The following MICU3 variants were observed in gnomAD, a reference collection of about 807,000 sequenced individuals.
MICU3 encodes calcium uptake protein 3, mitochondrial.
Under a neutral mutation model 66.5 loss-of-function variants are expected in MICU3, and 62 were observed. That is an observed-to-expected ratio of 0.93 (90% CI 0.76 to 1.15). The LOEUF (loss-of-function observed/expected upper bound fraction) is 1.15, where lower values mean the gene tolerates loss of function less well. Among genes scored for constraint, MICU3 ranks in the 50% most tolerant of loss-of-function variants. MICU3 has a pLI of 0.00. For missense variants in MICU3, 779 were observed against 664.4 expected (o/e 1.17, Z -1.90); for synonymous variants, 308 against 240.7 (o/e 1.28, Z -2.59).
the MICU3 span, among the ~76,000 whole-genome samples, chr8:17,137,705 C>CTT: frequency 3.1e-4 from 32 of 102,924 alleles, 1 homozygote; most frequent in African/African-American, 6.2e-4. Context: ...TTTTCTTTTC[C>CTT]TTTTTTTTTT....
intron 4 of MICU3, among the ~76,000 whole-genome samples, chr8:17,080,056 A>C (rs936491670): frequency 6.6e-6 from 1 of 151,788 alleles, no homozygotes; most frequent in Non-Finnish European, 1.5e-5. Flanking sequence ...GTTTCTAAAG[A>C]TCACACCATT....
intron 11 of MICU3, among the ~76,000 whole-genome samples, chr8:17,109,227 A>C (rs1379288983): frequency 2.6e-5 from 4 of 152,102 alleles, no homozygotes; most frequent in African/African-American, 9.7e-5. Flanking sequence ...AATATGTTTT[A>C]TGTATATGTA....
chr8:17,073,673 G>T (rs1398634038), intron 3 of MICU3, among the ~76,000 whole-genome samples: 2 of 152,130 alleles, frequency 1.3e-5, no homozygotes, highest in Admixed American at 6.5e-5. Flanking sequence ...AGTCCCTGGT[G>T]CCAAAAAGGT....
Position 17,104,483 on chromosome 8 carries a change from T to C in MICU3, c.1077T>C (p.Asp359=), listed in dbSNP as rs1275063759. The C allele has an allele frequency of 7.0e-7, 1 of 1,421,638 alleles. No individual in the cohort carries two copies. Among genetic ancestry groups the C allele is most frequent in the Middle Eastern group, 2.1e-4 (1 of 4,768 alleles). 88.1% of individuals were successfully genotyped at this position (1,421,638 alleles called of 1,614,324 possible). A position where few individuals can be genotyped will look rare whatever the true frequency, so the allele number is the denominator to read the frequency against. The change falls in exon 10 of 15, where the codon GAT becomes GAC. Residue 359 remains aspartate, a synonymous_variant. Transcript: ENST00000318063. ...KKGKAELNFE[D]FYRFMDNLQT... is the part of the protein sequence containing the mutation. ...GAAAAGCTGAGCTCAACTTTGAAGATTTTTATAGGTGAGCTTATTTTTATA... is the reference window on the plus strand; with the variant it reads ...GAAAAGCTGAGCTCAACTTTGAAGACTTTTATAGGTGAGCTTATTTTTATA...
chr8:17,136,115 G>C, the MICU3 span, among the ~76,000 whole-genome samples: 1 of 151,912 alleles, frequency 6.6e-6, no homozygotes, highest in Non-Finnish European at 1.5e-5. Flanking sequence ...CAACTCCTAG[G>C]GTATGTTCAG....
intron 1 of MICU3, among the ~76,000 whole-genome samples, chr8:17,035,356 T>TG (rs1339118254): frequency 2.6e-5 from 4 of 152,226 alleles, no homozygotes; most frequent in African/African-American, 9.6e-5. Context: ...AGGCAGAGGT[T>TG]GGAACAGTTT....
chr8:17,114,501 A>G, intron 12 of MICU3, among the ~76,000 whole-genome samples: 1 of 152,168 alleles, frequency 6.6e-6, no homozygotes, highest in Non-Finnish European at 1.5e-5. Context: ...CTGACTCAGA[A>G]ACTGGAATTT....
chr8:17,068,360 C>T (rs1455814209), intron 2 of MICU3, among the ~76,000 whole-genome samples: 1 of 152,206 alleles, frequency 6.6e-6, no homozygotes, highest in Non-Finnish European at 1.5e-5. Flanking sequence ...CTGCAAAACT[C>T]AAGAGTACCT....
At chr8:17,044,957 A>C (rs1814808203) in intron 1 of MICU3, among the ~76,000 whole-genome samples, 2 of 152,172 alleles carry the variant, frequency 1.3e-5, no homozygotes, top group Admixed American at 6.5e-5. Context: ...TCACTGGCCA[A>C]AACTTGGTCA....
chr8:17,029,814 A>G (rs773554276), intron 1 of MICU3, among the ~76,000 whole-genome samples: 6 of 151,912 alleles, frequency 3.9e-5, no homozygotes, highest in Non-Finnish European at 7.4e-5. Flanking sequence ...ATTTTCTTCT[A>G]TTGTTTCTTT....
intron 13 of MICU3, 28 bp from the exon 14 acceptor site, chr8:17,118,679 T>C: frequency 6.8e-7 from 1 of 1,479,712 alleles, no homozygotes; most frequent in Non-Finnish European, 9.4e-7. Context: ...TTCTGTACAT[T>C]TGCACACTTT....
intron 8 of MICU3, 117 bp from the exon 9 acceptor site, chr8:17,098,341 A>G (rs1183586741): frequency 1.3e-6 from 1 of 773,304 alleles, no homozygotes; most frequent in Admixed American, 2.0e-5. Flanking sequence ...ACAAACAAAC[A>G]AAAAAAGGTA....
chr8:17,027,738 G>A, intron 1 of MICU3, 78 bp downstream of exon 1: 3 of 1,251,700 alleles, frequency 2.4e-6, no homozygotes, highest in Non-Finnish European at 3.0e-6. Flanking sequence ...TGGAGGCTGT[G>A]GGGACGGTGC....
downstream of MICU3, among the ~76,000 whole-genome samples, chr8:17,125,409 T>A (rs1174061527): frequency 6.6e-6 from 1 of 152,174 alleles, no homozygotes; most frequent in East Asian, 1.9e-4. Flanking sequence ...TATTTTGGGT[T>A]TCTCATATTA....
chr8:17,077,977 A>AT, intron 4 of MICU3, 116 bp downstream of exon 4: 2 of 512,986 alleles, frequency 3.9e-6, no homozygotes, highest in African/African-American at 2.0e-5. Context: ...GTATGCATAG[A>AT]GAAAAAACTG....
rs545907247 is a variant in MICU3, at chr8:17,106,219, A to G, written c.1257+635A>G. On this transcript the variant is annotated intron_variant, in intron 11 of 14. Coordinates refer to ENST00000318063, the MANE Select transcript of MICU3 (RefSeq NM_181723.3). ...TTCAAGAGTGGGATGTTTTAGATATATTGCCTTCTATTTGTGTTTAGACAA... is the reference window on the plus strand; with the variant it reads ...TTCAAGAGTGGGATGTTTTAGATATGTTGCCTTCTATTTGTGTTTAGACAA... Among the ~76,000 whole-genome samples, 30 of 152,084 alleles carry G rather than the reference A, an allele frequency of 2.0e-4. No individual in the cohort carries two copies. The South Asian group carries it at 6.0e-3, about 31-fold the overall frequency.
At chr8:17,070,680 C>T (rs1465565892) in intron 3 of MICU3, among the ~76,000 whole-genome samples, 6 of 150,844 alleles carry the variant, frequency 4.0e-5, no homozygotes, top group East Asian at 3.9e-4. Flanking sequence ...ATCTAGGGAA[C>T]GTCCTTAACT....
At chr8:17,074,607 G>A (rs1001510726) in intron 3 of MICU3, among the ~76,000 whole-genome samples, 1 of 151,124 alleles carries the variant, frequency 6.6e-6, no homozygotes, top group African/African-American at 2.4e-5. Flanking sequence ...GTGTGTGTGT[G>A]TGTGTGTGTG....
At chr8:17,041,445 T>C (rs144675442) in intron 1 of MICU3, among the ~76,000 whole-genome samples, 82 of 152,206 alleles carry the variant, frequency 5.4e-4, no homozygotes, top group African/African-American at 1.9e-3. Flanking sequence ...TGTGAAGACA[T>C]TGGAGGTGAT....
Sources: allele counts gnomAD v4.1 joint callset (sites outside exome capture counted in the v4.1 genomes callset), GRCh38; gene constraint gnomAD v4.1.1; transcripts MANE v1.5; gene names NCBI Gene and HGNC (gene_info 2026-07-23, HGNC 2026-07-21).